The following MIGA1 variants were observed in gnomAD, a reference collection of about 807,000 sequenced individuals.
The protein encoded by MIGA1 is mitoguardin 1.
Under a neutral mutation model 82.0 loss-of-function variants are expected in MIGA1, and 58 were observed. The observed-to-expected ratio is 0.71, with a 90% CI of 0.57 to 0.88. The LOEUF is 0.88. MIGA1 is among the 40% of genes least tolerant of loss of function. MIGA1 has a pLI of 0.00. For synonymous variants in MIGA1, 249 were observed against 253.6 expected, an observed-to-expected ratio of 0.98 and a Z score of 0.17; for missense variants, 751 against 749.1, an observed-to-expected ratio of 1.00 and a Z score of -0.03.
chr1:77,839,759 T>G (rs913334510), intron 7 of MIGA1, among the ~76,000 whole-genome samples: 1 of 152,084 alleles, frequency 6.6e-6, no homozygotes, highest in Non-Finnish European at 1.5e-5. Flanking sequence ...TTGTTTTGTT[T>G]TGAGACGGAC....
intron 7 of MIGA1, among the ~76,000 whole-genome samples, chr1:77,836,532 A>G (rs1330735181): frequency 6.6e-6 from 1 of 152,218 alleles, no homozygotes; most frequent in East Asian, 1.9e-4. Context: ...TGAATAAAGA[A>G]TGCGTTTGGT....
intron 6 of MIGA1, among the ~76,000 whole-genome samples, chr1:77,814,859 C>A (rs1683513037): frequency 6.6e-6 from 1 of 152,164 alleles, no homozygotes; most frequent in Non-Finnish European, 1.5e-5. Context: ...ACTTTGAGAA[C>A]TGCCAATCTA....
intron 8 of MIGA1, chr1:77,847,000 C>A: frequency 1.7e-6 from 1 of 601,278 alleles, no homozygotes; most frequent in East Asian, 2.8e-5. Context: ...TAAATGGAAC[C>A]TTGGAAAGCT....
In MIGA1 at chr1:77,863,944, C is replaced by T. The variant is rs368517547; in HGVS notation, c.1425C>T (p.Asp475=). ...TTGTTCTGGATTTTATATTAATGGA[C>T]TCCTTTGAAGATTTGGAAAACCCAC... The change falls in exon 13 of 16, where the codon GAC becomes GAT. Residue 475 remains aspartate (D), a synonymous_variant. Coordinates refer to ENST00000370791, the MANE Select transcript of MIGA1 (RefSeq NM_198549.4). 5.3e-5 allele frequency: 85 copies of T among 1,595,464 alleles called. No homozygotes were observed. Among genetic ancestry groups the T allele is most frequent in the Middle Eastern group, 3.3e-4 (2 of 6,058 alleles).
chr1:77,816,201 C>T (rs1683568007), intron 7 of MIGA1, among the ~76,000 whole-genome samples: 1 of 152,152 alleles, frequency 6.6e-6, no homozygotes, highest in Admixed American at 6.5e-5. Flanking sequence ...ACCTCAGCCT[C>T]CCAAAGTGCT....
chr1:77,827,806 T>C (rs1262668119), intron 7 of MIGA1, among the ~76,000 whole-genome samples: 1 of 152,160 alleles, frequency 6.6e-6, no homozygotes, highest in East Asian at 1.9e-4. Context: ...GGAGGAGCAA[T>C]TGAAGAGGTG....
chr1:77,818,753 C>G (rs1262843105), intron 7 of MIGA1, among the ~76,000 whole-genome samples: 1 of 151,902 alleles, frequency 6.6e-6, no homozygotes, highest in Non-Finnish European at 1.5e-5. Context: ...TATAGTGAGA[C>G]CTCATCTCTA....
intron 7 of MIGA1, among the ~76,000 whole-genome samples, chr1:77,842,514 GA>G (rs1684663449): frequency 6.6e-6 from 1 of 152,160 alleles, no homozygotes; most frequent in South Asian, 2.1e-4. Flanking sequence ...ATTAAAGCCT[GA>G]AAAAGTCACA....
intron 1 of MIGA1, 41 bp downstream of exon 1, chr1:77,779,777 G>A: frequency 6.6e-7 from 1 of 1,518,714 alleles, no homozygotes; most frequent in Non-Finnish European, 8.8e-7. Context: ...AGGCGGGCGG[G>A]AGGAAGCGGA....
chr1:77,855,731 G>A (rs930949878), intron 8 of MIGA1, among the ~76,000 whole-genome samples: 1 of 151,684 alleles, frequency 6.6e-6, no homozygotes, highest in African/African-American at 2.4e-5. Flanking sequence ...CTACTGATTT[G>A]TGTACATTAA....
rs879045144 is a variant in MIGA1, at chr1:77,813,810, A to G, written c.714A>G (p.Glu238=). The G allele has an allele frequency of 6.2e-7, 1 of 1,614,222 alleles. No homozygotes were observed. The highest frequency in any genetic ancestry group is 1.1e-5 in the South Asian group (1 of 91,086). Residue 238 remains glutamate, a synonymous_variant, in exon 6 of 16, where the codon GAA becomes GAG. Transcript: ENST00000370791. The stretch of plus-strand genomic sequence containing the variant: ...TTCGCAATAGACAGGCTGAAGATGA[A>G]GCCTGTGGTTCCATTAAACTGGGTG...
intron 7 of MIGA1, among the ~76,000 whole-genome samples, chr1:77,821,536 C>T (rs1367902540): frequency 1.3e-5 from 2 of 151,876 alleles, no homozygotes; most frequent in African/African-American, 2.4e-5. Flanking sequence ...GTTGGGATTA[C>T]AGGCATGCAC....
Position 77,813,741 on chromosome 1 carries a change from A to T in MIGA1, c.645A>T (p.Glu215Asp). The T allele has an allele frequency of 6.2e-7, 1 of 1,613,880 alleles. No homozygotes were observed. The highest frequency in any genetic ancestry group is 8.5e-7 in the Non-Finnish European group (1 of 1,179,930). ...TCTGTTCTTAATTTTTAGGTATGGAATTGTTTGAAGAGGCATTGCGTCGAT... is the reference window on the plus strand; with the variant it reads ...TCTGTTCTTAATTTTTAGGTATGGATTTGTTTGAAGAGGCATTGCGTCGAT... Residue 215 changes from glutamate (E) to aspartate (D), a missense_variant, in exon 6 of 16, where the codon GAA becomes GAT. Coordinates refer to ENST00000370791, the MANE Select transcript of MIGA1 (RefSeq NM_198549.4).
intron 4 of MIGA1, among the ~76,000 whole-genome samples, chr1:77,804,607 TAA>T (rs1386194373): frequency 6.6e-6 from 1 of 151,968 alleles, no homozygotes; most frequent in East Asian, 1.9e-4. Context: ...GCCATGGAGA[TAA>T]ACAACATTAA....
intron 4 of MIGA1, among the ~76,000 whole-genome samples, chr1:77,805,770 G>T (rs1238611320): frequency 6.6e-6 from 1 of 151,694 alleles, no homozygotes; most frequent in South Asian, 2.1e-4. Flanking sequence ...TGATCTGCCC[G>T]TTTTGGCCTC....
Position 77,877,999 on chromosome 1 carries a change from T to A in MIGA1, c.*2935T>A, listed in dbSNP as rs193067068. On this transcript the variant is annotated 3_prime_UTR_variant, in exon 16 of 16. Coordinates refer to ENST00000370791, the MANE Select transcript of MIGA1 (RefSeq NM_198549.4). ...AAATAGAATTTTAGGACAATAAGTA[T>A]AGGAAATATCTCTTTATCGTAAGAT... 1.6e-4 allele frequency: 25 copies of A among 152,332 alleles called. No individual in the cohort carries two copies. Among genetic ancestry groups the A allele is most frequent in the African/African-American group, 5.3e-4 (22 of 41,570 alleles). 9.4% of individuals were successfully genotyped at this position (152,332 alleles called of 1,614,324 possible). A position where few individuals can be genotyped will look rare whatever the true frequency, so the allele number is the denominator to read the frequency against.
intron 7 of MIGA1, among the ~76,000 whole-genome samples, chr1:77,817,383 G>A (rs900729252): frequency 3.6e-4 from 55 of 152,204 alleles, no homozygotes; most frequent in African/African-American, 1.3e-3. Context: ...TAAATGGATA[G>A]GGTGGGACCC....
At chr1:77,872,944 C>T (rs1646859832) in intron 14 of MIGA1, 60 bp from the exon 15 acceptor site, 12 of 1,602,374 alleles carry the variant, frequency 7.5e-6, no homozygotes, top group Non-Finnish European at 1.0e-5. Context: ...AGTTTCTGTA[C>T]TAGAGAAAGC....
chr1:77,874,092 T>C (rs1213845436), intron 15 of MIGA1, among the ~76,000 whole-genome samples: 1 of 152,212 alleles, frequency 6.6e-6, no homozygotes, highest in Non-Finnish European at 1.5e-5. Context: ...TTAGTACTTC[T>C]TAATAACGTT....
Sources: allele counts gnomAD v4.1 joint callset (sites outside exome capture counted in the v4.1 genomes callset), GRCh38; gene constraint gnomAD v4.1.1; transcripts MANE v1.5; gene names NCBI Gene and HGNC (gene_info 2026-07-23, HGNC 2026-07-21).